Variants in ITPR3 observed in about 807,000 individuals in gnomAD.
The protein encoded by ITPR3 is inositol 1,4,5-trisphosphate receptor type 3, also known as inositol 1,4,5-trisphosphate-gated calcium channel ITPR3.
A neutral mutation model predicts 293.2 loss-of-function variants in ITPR3; 173 were observed. The observed-to-expected ratio is 0.59, with a 90% CI of 0.52 to 0.67. The LOEUF is 0.67. ITPR3 is among the 30% of genes least tolerant of loss of function. The pLI is 0.00. For missense variants in ITPR3, 2,796 were observed against 3,592.1 expected, an observed-to-expected ratio of 0.78 and a Z score of 5.66; for synonymous variants, 1,295 against 1,444.4, an observed-to-expected ratio of 0.90 and a Z score of 2.35.
rs768068423 is a variant in ITPR3, at chr6:33,667,124, C to T, written c.1552-5C>T. The T allele has an allele frequency of 6.8e-6, 11 of 1,613,300 alleles. No individual in the cohort carries two copies. The highest frequency in any genetic ancestry group is 9.3e-6 in the Non-Finnish European group (11 of 1,179,640). ...AATCAGTCCTCACCCTCTGTATTCC[C>T]CCAGGTCTTTGGCATTCTGAAGGCC... On this transcript the variant is annotated splice_region_variant and splice_polypyrimidine_tract_variant and intron_variant, in intron 14 of 57. Transcript: ENST00000605930. The surrounding 1 kb of genome is among the most constrained non-coding windows in gnomAD (Gnocchi z 4.4).
At chr6:33,656,298 G>T (rs1764304212) in intron 3 of ITPR3, among the ~76,000 whole-genome samples, 1 of 152,156 alleles carries the variant, frequency 6.6e-6, no homozygotes, top group Non-Finnish European at 1.5e-5. Flanking sequence ...CTTCCTCCAG[G>T]CTGGCACAGC....
At chr6:33,663,169 G>A (rs898660326) in intron 9 of ITPR3, among the ~76,000 whole-genome samples, 163 bp downstream of exon 9, 1 of 152,250 alleles carries the variant, frequency 6.6e-6, no homozygotes, top group South Asian at 2.1e-4. Flanking sequence ...AGGCATGACT[G>A]TAAATAAGCC....
At position 33,658,713 on chromosome 6, in the gene ITPR3, G is replaced by A. The variant is rs769456797; in HGVS notation, c.413G>A (p.Arg138Gln). 1.2e-6 allele frequency: 2 copies of A among 1,614,202 alleles called. No individual in the cohort carries two copies. Among genetic ancestry groups the A allele is most frequent in the South Asian group, 1.1e-5 (1 of 91,080 alleles). ...KSNKYLTVNK[R>Q]LPALLEKNAM... ...AACAAGTACCTGACAGTGAACAAGC[G>A]GCTTCCGGCCTTGCTGGAGAAGAAC... The change falls in exon 5 of 58, where the codon CGG (arginine) becomes CAG (glutamine). Residue 138 changes from arginine (R) to glutamine (Q), a missense_variant. By Grantham distance (43) the Arg-to-Gln change is conservative. Coordinates refer to ENST00000605930, the MANE Select transcript of ITPR3 (RefSeq NM_002224.4). The surrounding 1 kb of genome is among the most constrained non-coding windows in gnomAD (Gnocchi z 6.1).
At chr6:33,644,495 C>G (rs1451148384) in intron 2 of ITPR3, among the ~76,000 whole-genome samples, 1 of 152,034 alleles carries the variant, frequency 6.6e-6, no homozygotes, top group African/African-American at 2.4e-5. Flanking sequence ...CTTCCCCTTC[C>G]TCTCCTGCCT....
rs751304540 is a variant in ITPR3 at position 33,662,554 on chromosome 6, G to A, written c.738G>A (p.Ala246=). ...KGGDVVRLFH[A]EQEKFLTCDE... is the part of the protein sequence containing the mutation. ...GAGACGTGGTGCGGCTGTTCCATGC[G>A]GAGCAGGAGAAGTTCCTGACGTGTG... is the stretch of plus-strand genomic sequence containing the variant. Residue 246 remains alanine (A), a synonymous_variant, in exon 8 of 58, where the codon GCG becomes GCA. Coordinates refer to ENST00000605930, the MANE Select transcript of ITPR3 (RefSeq NM_002224.4). 169 of 1,606,130 alleles carry A rather than the reference G, an allele frequency of 1.1e-4. No homozygotes were observed. Among genetic ancestry groups the A allele is most frequent in the Non-Finnish European group, 1.3e-4 (158 of 1,177,530 alleles).
Position 33,695,976 on chromosome 6 carries a change from A to G in ITPR3, c.*196A>G. On this transcript the variant is annotated 3_prime_UTR_variant, in exon 58 of 58. Coordinates refer to ENST00000605930, the MANE Select transcript of ITPR3 (RefSeq NM_002224.4). The stretch of plus-strand genomic sequence containing the variant: ...CCTCAGAGCTGACAGTCCTGCTTAG[A>G]GCCCTTAAAAAGACTTGAAAGTTCA... The G allele has an allele frequency of 1.7e-6, 1 of 587,452 alleles. No homozygotes were observed. The highest frequency in any genetic ancestry group is 3.0e-6 in the Non-Finnish European group (1 of 329,174). 36.4% of individuals were successfully genotyped at this position (587,452 alleles called of 1,614,324 possible).
At chr6:33,637,784 A>G (rs1227063566) in intron 1 of ITPR3, among the ~76,000 whole-genome samples, 1 of 148,058 alleles carries the variant, frequency 6.8e-6, no homozygotes, top group Non-Finnish European at 1.5e-5. Context: ...TGCGTGTGCC[A>G]CCACACCCGG....
chr6:33,675,605 G>C lies in ITPR3; in HGVS notation c.3117-86G>C. Reference sequence around the variant, plus strand: ...ATCTGCTAATTGGGTGGCGGAGAGTGTGCTTGTGCCAGGGCCCCTTACCCA... The same window carrying C: ...ATCTGCTAATTGGGTGGCGGAGAGTCTGCTTGTGCCAGGGCCCCTTACCCA... On this transcript the variant is annotated intron_variant, in intron 24 of 57. Coordinates refer to ENST00000605930, the MANE Select transcript of ITPR3 (RefSeq NM_002224.4). The surrounding 1 kb of genome is among the most constrained non-coding windows in gnomAD (Gnocchi z 5.0). 11 of 1,435,170 alleles carry C rather than the reference G, an allele frequency of 7.7e-6. No homozygotes were observed. The highest frequency in any genetic ancestry group is 1.0e-5 in the Non-Finnish European group (11 of 1,070,776). 88.9% of individuals were successfully genotyped at this position (1,435,170 alleles called of 1,614,324 possible).
Position 33,667,249 on chromosome 6 carries a change from C to T in ITPR3, c.1672C>T (p.Arg558Cys), listed in dbSNP as rs780906252. The T allele has an allele frequency of 1.2e-5, 19 of 1,613,320 alleles. No homozygotes were observed. The highest frequency in any genetic ancestry group is 4.4e-5 in the South Asian group (4 of 91,048). ...CCAGCACATGTTCCGCCTGTGCTAC[C>T]GCGTGTTGCGGCATTCCCAGGAGGA... ...PYQHMFRLCY[R>C]VLRHSQEDYR... Residue 558 changes from arginine to cysteine, a missense_variant, in exon 15 of 58, where the codon CGC (arginine) becomes TGC (cysteine). Physicochemically the swap from Arg to Cys is radical, Grantham distance 180. Around this residue, in one of 8 missense-constraint regions of ITPR3, gnomAD observed 955 missense variants for 1,180.8 expected, o/e 0.81. Coordinates refer to ENST00000605930, the MANE Select transcript of ITPR3 (RefSeq NM_002224.4). This position sits in a 1 kb window ranked among gnomAD's most constrained non-coding sequence, Gnocchi z 4.4.
intron 8 of ITPR3, 52 bp downstream of exon 8, chr6:33,662,726 C>T (rs779565738): frequency 6.3e-7 from 1 of 1,593,134 alleles, no homozygotes; most frequent in South Asian, 1.1e-5. Context: ...GATGCCACCC[C>T]TCCCTCTTCC....
At position 33,669,095 on chromosome 6, in the gene ITPR3, C is replaced by T; in HGVS notation, c.2128C>T (p.Gln710Ter). Reference protein sequence around the residue: ...NNEHHEKSVRQLAQEARAGNA... With the variant: ...NNEHHEKSVR ...CGAGCATCATGAGAAGAGTGTGAGGCAGCTGGCCCAGGAGGCGCGGGCCGG... is the reference window on the plus strand; with the variant it reads ...CGAGCATCATGAGAAGAGTGTGAGGTAGCTGGCCCAGGAGGCGCGGGCCGG... The change falls in exon 18 of 58, where the codon CAG becomes TAG. Residue 710 changes from glutamine (Q) to a stop codon, truncating the protein, a stop_gained. Transcript: ENST00000605930. LOFTEE classifies it high-confidence loss of function. 1 of 1,614,184 alleles carries T rather than the reference C, an allele frequency of 6.2e-7. No individual in the cohort carries two copies. Among genetic ancestry groups the T allele is most frequent in the Non-Finnish European group, 8.5e-7 (1 of 1,180,022 alleles).
At position 33,621,546 on chromosome 6, in the gene ITPR3, G is replaced by T; in HGVS notation, c.-57G>T. On this transcript the variant is annotated 5_prime_UTR_variant, in exon 1 of 58. Coordinates refer to ENST00000605930, the MANE Select transcript of ITPR3 (RefSeq NM_002224.4). This position sits in a 1 kb window ranked among gnomAD's most constrained non-coding sequence, Gnocchi z 7.7. ...CGGACGCCTCAGTCCTCCGCACTGA[G>T]CTTGGCCACGCGCCCCTAGGCGCCC... The T allele has an allele frequency of 1.5e-6, 2 of 1,343,434 alleles. No homozygotes were observed. Among genetic ancestry groups the T allele is most frequent in the Non-Finnish European group, 2.1e-6 (2 of 956,454 alleles). 83.2% of individuals were successfully genotyped at this position (1,343,434 alleles called of 1,614,324 possible).
Position 33,655,746 on chromosome 6 carries a change from C to T in ITPR3, c.161-20C>T. ...CCCCAGATGAATCATTCCCCTCACC[C>T]CCAACCTGCCCCACCACAGACTGCC... On this transcript the variant is annotated intron_variant, in intron 2 of 57. Coordinates refer to ENST00000605930, the MANE Select transcript of ITPR3 (RefSeq NM_002224.4). This position sits in a 1 kb window ranked among gnomAD's most constrained non-coding sequence, Gnocchi z 4.9. The T allele has an allele frequency of 1.2e-6, 2 of 1,613,898 alleles. No homozygotes were observed. The highest frequency in any genetic ancestry group is 1.7e-6 in the Non-Finnish European group (2 of 1,179,888).
chr6:33,669,551 C>T (rs1295207431), intron 18 of ITPR3, among the ~76,000 whole-genome samples: 3 of 152,226 alleles, frequency 2.0e-5, no homozygotes, highest in Non-Finnish European at 2.9e-5. Flanking sequence ...GAGCCAAGAT[C>T]GCACTACTGC....
Position 33,670,241 on chromosome 6 carries a change from G to A in ITPR3, c.2190-84G>A. The stretch of plus-strand genomic sequence containing the variant: ...AACCTAATCCCTTTGCCACTTTACT[G>A]AGTCCTCACCAAGTCTAGTGCCCAG... On this transcript the variant is annotated intron_variant, in intron 18 of 57. Transcript: ENST00000605930. The surrounding 1 kb of genome is among the most constrained non-coding windows in gnomAD (Gnocchi z 6.7). 6.8e-7 allele frequency: 1 copy of A among 1,465,728 alleles called. No individual in the cohort carries two copies. The highest frequency in any genetic ancestry group is 9.4e-7 in the Non-Finnish European group (1 of 1,058,410). 90.8% of individuals were successfully genotyped at this position (1,465,728 alleles called of 1,614,324 possible).
rs780472798 is a variant in ITPR3 at position 33,687,327 on chromosome 6, G to A, written c.6177G>A (p.Gln2059=). Residue 2059 remains glutamine (Q), a splice_region_variant and synonymous_variant, in exon 45 of 58, where the codon CAG becomes CAA. Transcript: ENST00000605930. This position sits in a 1 kb window ranked among gnomAD's most constrained non-coding sequence, Gnocchi z 5.3. The part of the protein sequence containing the change: ...VGHNIYILAL[Q]LSRHNKQLQH... ...ATAACATCTATATCCTGGCGCTGCA[G>A]GTACCAGTTCCACCCGTGGCAACGG... is the stretch of plus-strand genomic sequence containing the variant. 1.9e-6 allele frequency: 3 copies of A among 1,605,900 alleles called. No homozygotes were observed. The highest frequency in any genetic ancestry group is 2.2e-5 in the East Asian group (1 of 44,724).
intron 1 of ITPR3, among the ~76,000 whole-genome samples, chr6:33,626,836 G>C (rs1244089267): frequency 6.6e-6 from 1 of 152,116 alleles, no homozygotes; most frequent in Non-Finnish European, 1.5e-5. Context: ...AGAGAGTTTT[G>C]CTCTTGTTTT....
intron 50 of ITPR3, 135 bp from the exon 51 acceptor site, chr6:33,689,899 C>A: frequency 1.0e-6 from 1 of 959,618 alleles, no homozygotes; most frequent in Non-Finnish European, 1.6e-6. Context: ...GAGTCCCAGG[C>A]GCCTAGATGC....
intron 13 of ITPR3, 101 bp downstream of exon 13, chr6:33,665,314 GGA>G: frequency 6.8e-7 from 1 of 1,462,938 alleles, no homozygotes. Context: ...GGCAAACTGG[GGA>G]GAGAGTAGGG....
Sources: allele counts gnomAD v4.1 joint callset (sites outside exome capture counted in the v4.1 genomes callset), GRCh38; gene constraint gnomAD v4.1.1; regional missense constraint gnomAD v4.1.1; non-coding constraint Gnocchi (gnomAD v3.1); transcripts MANE v1.5; gene names NCBI Gene and HGNC (gene_info 2026-07-23, HGNC 2026-07-21).